DPP10: variants seen among roughly 807,000 people sequenced by gnomAD.
The protein encoded by DPP10 is inactive dipeptidyl peptidase 10.
In DPP10, 33 loss-of-function variants were observed where a neutral mutation model predicts 120.9. The ratio of observed to expected loss-of-function variants is 0.27; its 90% CI spans 0.21 to 0.37. DPP10 has a LOEUF of 0.37. Among genes scored for constraint, DPP10 ranks in the 10% least tolerant of loss-of-function variants. The pLI, the probability that DPP10 is intolerant of heterozygous loss-of-function variation, is 1.00. For missense variants in DPP10, 816 were observed against 942.8 expected (o/e 0.87, Z 1.76); for synonymous variants, 337 against 326.1 (o/e 1.03, Z -0.36).
intron 7 of DPP10, among the ~76,000 whole-genome samples, chr2:115,708,925 C>CTT (rs1218832228): frequency 1.3e-5 from 2 of 152,006 alleles, no homozygotes; most frequent in Non-Finnish European, 2.9e-5. Context: ...ATGAAAAGAA[C>CTT]TTTGACTAAA....
At chr2:115,265,524 T>A (rs948466964) in intron 1 of DPP10, among the ~76,000 whole-genome samples, 1 of 152,048 alleles carries the variant, frequency 6.6e-6, no homozygotes, top group Non-Finnish European at 1.5e-5. Context: ...CATGCATACA[T>A]GAAGCAAAAA....
chr2:115,842,154 G>A (rs1259772629), intron 25 of DPP10, 57 bp from the exon 26 acceptor site: 2 of 1,495,986 alleles, frequency 1.3e-6, no homozygotes, highest in Admixed American at 1.9e-5. Flanking sequence ...GAAAATGAAT[G>A]CGAGAGACAA....
At chr2:115,597,948 G>C (rs2083087948) in intron 5 of DPP10, among the ~76,000 whole-genome samples, 1 of 151,888 alleles carries the variant, frequency 6.6e-6, no homozygotes, top group African/African-American at 2.4e-5. Flanking sequence ...CTAAACTTCA[G>C]TTATTAGGTA....
chr2:115,646,033 A>G (rs770025662), intron 5 of DPP10, among the ~76,000 whole-genome samples: 2 of 152,122 alleles, frequency 1.3e-5, no homozygotes, highest in East Asian at 3.9e-4. Context: ...ACTGATACAC[A>G]TATATATTTC....
At chr2:115,773,315 G>A (rs1171834239) in intron 13 of DPP10, among the ~76,000 whole-genome samples, 1 of 152,114 alleles carries the variant, frequency 6.6e-6, no homozygotes, top group African/African-American at 2.4e-5. Flanking sequence ...GATACCCAAT[G>A]TGTTTCCAAT....
At chr2:115,802,107 C>T (rs1013304399) in intron 19 of DPP10, among the ~76,000 whole-genome samples, 13 of 152,132 alleles carry the variant, frequency 8.5e-5, no homozygotes, top group Non-Finnish European at 1.8e-4. Context: ...GCTCCAATTT[C>T]GGAGCCTGTT....
chr2:115,206,460 G>A (rs2056137020), intron 1 of DPP10, among the ~76,000 whole-genome samples: 1 of 152,154 alleles, frequency 6.6e-6, no homozygotes, highest in South Asian at 2.1e-4. Context: ...ACTCTGAGAA[G>A]CACTGCAATA....
rs745520890 is a variant in DPP10 at position 115,689,745 on chromosome 2, T to A, written c.494+6T>A. The stretch of plus-strand genomic sequence containing the variant: ...ATTTACAACATACACACTAGGTAAG[T>A]TCTTTGATTTTCTAGTTTTCATGAG... On this transcript the variant is annotated splice_donor_region_variant and intron_variant, in intron 6 of 25. Transcript: ENST00000410059. 10 of 1,601,788 alleles carry A rather than the reference T, an allele frequency of 6.2e-6. 1 individual carries two copies. In the Admixed American group the frequency reaches 1.5e-4, roughly 24 times the overall value.
chr2:114,952,265 C>A, intron 1 of DPP10, among the ~76,000 whole-genome samples: 1 of 152,034 alleles, frequency 6.6e-6, no homozygotes, highest in Non-Finnish European at 1.5e-5. Context: ...TATATATATG[C>A]AAATAAATTC....
chr2:114,483,133 A>G (rs550361183), intron 1 of DPP10, among the ~76,000 whole-genome samples: 1 of 152,292 alleles, frequency 6.6e-6, no homozygotes, highest in South Asian at 2.1e-4. Context: ...AATTGGTTGA[A>G]TATTTTGTTG....
At chr2:114,461,706 A>C in intron 1 of DPP10, 6 of 985,454 alleles carry the variant, frequency 6.1e-6, no homozygotes, top group Non-Finnish European at 7.2e-6. Flanking sequence ...AGCCGTCTGC[A>C]CTTAAAAGCC....
intron 1 of DPP10, among the ~76,000 whole-genome samples, chr2:114,691,450 T>G (rs906365125): frequency 6.6e-6 from 1 of 152,130 alleles, no homozygotes; most frequent in Non-Finnish European, 1.5e-5. Flanking sequence ...TTTGATGTGC[T>G]GCTGGATTTG....
intron 1 of DPP10, among the ~76,000 whole-genome samples, chr2:114,711,308 C>A (rs1574019368): frequency 6.6e-6 from 1 of 152,138 alleles, no homozygotes; most frequent in Non-Finnish European, 1.5e-5. Flanking sequence ...AGCAGACTAA[C>A]AAGGATTTTT....
chr2:115,209,021 G>A (rs2056339008), intron 1 of DPP10, among the ~76,000 whole-genome samples: 1 of 152,176 alleles, frequency 6.6e-6, no homozygotes, highest in African/African-American at 2.4e-5. Context: ...AAACTGGCAT[G>A]ATGTTGGATT....
intron 1 of DPP10, among the ~76,000 whole-genome samples, chr2:114,591,669 C>T (rs1167456915): frequency 2.7e-5 from 4 of 150,874 alleles, no homozygotes; most frequent in Non-Finnish European, 2.9e-5. Context: ...ATTCTCCTGC[C>T]TTAGCCTCCT....
At chr2:114,942,555 C>A (rs1315513887) in intron 1 of DPP10, among the ~76,000 whole-genome samples, 1 of 151,060 alleles carries the variant, frequency 6.6e-6, no homozygotes, top group Non-Finnish European at 1.5e-5. Context: ...CATAGATTAG[C>A]CATTTTTTTT....
At chr2:114,742,715 G>A (rs764994974) in intron 1 of DPP10, among the ~76,000 whole-genome samples, 21 of 152,172 alleles carry the variant, frequency 1.4e-4, no homozygotes, top group Non-Finnish European at 2.4e-4. Context: ...CAATACTGGT[G>A]ATCGAACAGC....
intron 1 of DPP10, among the ~76,000 whole-genome samples, chr2:115,047,167 T>C (rs982217694): frequency 3.3e-5 from 5 of 152,060 alleles, no homozygotes; most frequent in Non-Finnish European, 7.4e-5. Flanking sequence ...ACAGAATACA[T>C]TGGAAACTTT....
At chr2:114,762,640 C>A (rs1680383097) in intron 1 of DPP10, among the ~76,000 whole-genome samples, 1 of 152,074 alleles carries the variant, frequency 6.6e-6, no homozygotes, top group Non-Finnish European at 1.5e-5. Context: ...CTCCTAACAC[C>A]CAGCAGGCTG....
Sources: gnomAD v4.1 joint callset for allele counts (sites outside exome capture counted in the v4.1 genomes callset) on GRCh38, gnomAD v4.1.1 for gene constraint, MANE v1.5 for transcripts, NCBI Gene and HGNC (gene_info 2026-07-23, HGNC 2026-07-21) for gene names.